The following FGF12 variants were observed in gnomAD, a reference collection of about 807,000 sequenced individuals.
The protein encoded by FGF12 is fibroblast growth factor 12.
A neutral mutation model predicts 23.6 loss-of-function variants in FGF12; 14 were observed. The ratio of observed to expected loss-of-function variants is 0.59; its 90% CI spans 0.39 to 0.93. The LOEUF is 0.93. Ranked by LOEUF, FGF12 falls within the 40% of genes least tolerant of loss-of-function variation. FGF12 has a pLI of 0.00. For synonymous variants in FGF12, 62 were observed against 77.3 expected, an observed-to-expected ratio of 0.80 and a Z score of 1.04; for missense variants, 175 against 217.8, an observed-to-expected ratio of 0.80 and a Z score of 1.24.
chr3:192,679,542 G>A (rs1374572966), intron 2 of FGF12, among the ~76,000 whole-genome samples: 4 of 151,986 alleles, frequency 2.6e-5, no homozygotes, highest in African/African-American at 4.8e-5. Context: ...GGAGTTTGAG[G>A]CTGCAGTGAG....
intron 2 of FGF12, among the ~76,000 whole-genome samples, chr3:192,613,041 T>C (rs1401506514): frequency 6.6e-6 from 1 of 151,926 alleles, no homozygotes; most frequent in South Asian, 2.1e-4. Context: ...CTCATTTTTC[T>C]TGGTGGGAAG....
intron 2 of FGF12, among the ~76,000 whole-genome samples, chr3:192,564,037 G>T (rs1712158954): frequency 7.4e-6 from 1 of 135,550 alleles, no homozygotes; most frequent in Non-Finnish European, 1.5e-5. Flanking sequence ...GTAGTTTTTT[G>T]TTTTTTTTTG....
intron 2 of FGF12, among the ~76,000 whole-genome samples, chr3:192,437,073 T>C (rs4687333): frequency 0.47 from 71,446 of 151,962 alleles, 17,775 homozygotes; most frequent in Non-Finnish European, 0.55. Flanking sequence ...TAGTGTATAA[T>C]TCCTTAAAAG....
intron 2 of FGF12, among the ~76,000 whole-genome samples, chr3:192,576,635 G>T (rs1200507351): frequency 6.6e-6 from 1 of 152,096 alleles, no homozygotes; most frequent in Non-Finnish European, 1.5e-5. Context: ...CATTATTTAA[G>T]AATACTTGAT....
chr3:192,619,096 C>T (rs1345267391), intron 2 of FGF12, among the ~76,000 whole-genome samples: 1 of 151,824 alleles, frequency 6.6e-6, no homozygotes, highest in Non-Finnish European at 1.5e-5. Context: ...TAAACATTTG[C>T]TAATTTACAT....
chr3:192,633,675 C>A (rs1268148643), intron 2 of FGF12, among the ~76,000 whole-genome samples: 1 of 152,072 alleles, frequency 6.6e-6, no homozygotes, highest in Non-Finnish European at 1.5e-5. Context: ...TGCAAAAGCC[C>A]CCGCTTCATT....
At chr3:192,638,431 G>A (rs1451907003) in intron 2 of FGF12, among the ~76,000 whole-genome samples, 3 of 152,104 alleles carry the variant, frequency 2.0e-5, no homozygotes, top group African/African-American at 7.2e-5. Flanking sequence ...AAGAGAAGGA[G>A]GCAGTATCTG....
chr3:192,172,586 A>G (rs1715629644), intron 4 of FGF12, among the ~76,000 whole-genome samples: 1 of 150,910 alleles, frequency 6.6e-6, no homozygotes, highest in Non-Finnish European at 1.5e-5. Context: ...ACAAATGACC[A>G]TGAGATACTA....
At chr3:192,690,783 G>C (rs1383119774) in intron 2 of FGF12, among the ~76,000 whole-genome samples, 3 of 151,810 alleles carry the variant, frequency 2.0e-5, no homozygotes, top group African/African-American at 7.2e-5. Flanking sequence ...AAAAAGACAA[G>C]ACCCAAATAT....
In FGF12 at chr3:192,685,207, C is replaced by T. The variant is rs555815504; in HGVS notation, c.13+41974G>A. On this transcript the variant is annotated intron_variant, in intron 2 of 5. Coordinates refer to ENST00000445105, the MANE Select transcript of FGF12 (RefSeq NM_004113.6). ...CTGGGATTACAGGGGCCCGCCACCA[C>T]GCCCGGCTAATTTTTTTGTATTTTT... Among the ~76,000 whole-genome samples the T allele has an allele frequency of 1.1e-4, 16 of 152,110 alleles. No individual in the cohort carries two copies. In the East Asian group the frequency reaches 1.5e-3, roughly 15 times the overall value.
At chr3:192,428,425 TG>T (rs1303991023) in intron 2 of FGF12, among the ~76,000 whole-genome samples, 2 of 152,214 alleles carry the variant, frequency 1.3e-5, no homozygotes, top group African/African-American at 4.8e-5. Context: ...CTAATAATGA[TG>T]TTGATTTTTA....
At chr3:192,175,858 C>T (rs77883298) in intron 4 of FGF12, among the ~76,000 whole-genome samples, 127 of 152,256 alleles carry the variant, frequency 8.3e-4, no homozygotes, top group African/African-American at 3.0e-3. Flanking sequence ...TAGTTTCATA[C>T]TCTACCTTGA....
intron 2 of FGF12, among the ~76,000 whole-genome samples, chr3:192,523,516 T>C (rs1186542066): frequency 6.6e-6 from 1 of 152,164 alleles, no homozygotes; most frequent in Non-Finnish European, 1.5e-5. Context: ...TCAACAATCT[T>C]GAGTATTAAA....
chr3:192,699,139 TC>T (rs1365957388), intron 2 of FGF12, among the ~76,000 whole-genome samples: 1 of 152,302 alleles, frequency 6.6e-6, no homozygotes, highest in African/African-American at 2.4e-5. Flanking sequence ...TCCTTCTTAT[TC>T]CTGGTTTCTA....
intron 2 of FGF12, among the ~76,000 whole-genome samples, chr3:192,539,921 C>A (rs1358791222): frequency 6.6e-6 from 1 of 151,792 alleles, no homozygotes; most frequent in East Asian, 1.9e-4. Context: ...TCTAGAATTT[C>A]CAATTTGTTG....
intron 2 of FGF12, among the ~76,000 whole-genome samples, chr3:192,645,336 G>T (rs1295747679): frequency 6.6e-6 from 1 of 152,098 alleles, no homozygotes; most frequent in Admixed American, 6.6e-5. Context: ...AGTGATGGTG[G>T]AAATAAAAAC....
At chr3:192,268,555 T>C (rs556711620) in intron 4 of FGF12, 3 of 221,738 alleles carry the variant, frequency 1.4e-5, no homozygotes, top group African/African-American at 2.3e-5. Flanking sequence ...CCCTTGATGA[T>C]AAGTGAACTC....
At chr3:192,495,447 AATGATATAT>A (rs993158142) in intron 2 of FGF12, among the ~76,000 whole-genome samples, 2 of 47,616 alleles carry the variant, frequency 4.2e-5, no homozygotes, top group African/African-American at 8.6e-5. Context: ...AATTCACAAC[AATGATATAT>A]ATAAACCTAT....
At chr3:192,349,895 CA>C (rs1308377299) in intron 3 of FGF12, among the ~76,000 whole-genome samples, 3 of 152,032 alleles carry the variant, frequency 2.0e-5, no homozygotes. Context: ...ATTTATTCAA[CA>C]AATACTGAAT....
Sources: gnomAD v4.1 joint callset for allele counts (sites outside exome capture counted in the v4.1 genomes callset) on GRCh38, gnomAD v4.1.1 for gene constraint, MANE v1.5 for transcripts, NCBI Gene and HGNC (gene_info 2026-07-23, HGNC 2026-07-21) for gene names.